The following TMEM131L variants were observed in gnomAD, a reference collection of about 807,000 sequenced individuals.
TMEM131L encodes the protein transmembrane 131 like.
TMEM131L carries 54 observed loss-of-function variants against 192.2 expected under a neutral mutation model. That is an observed-to-expected ratio of 0.28 (90% CI 0.23 to 0.35). The LOEUF (loss-of-function observed/expected upper bound fraction) is 0.35, where lower values mean the gene tolerates loss of function less well. Among genes scored for constraint, TMEM131L ranks in the 10% least tolerant of loss-of-function variants. The probability of loss-of-function intolerance (pLI) is 1.00; values close to 1 mark genes in which losing one functional copy is unlikely to be tolerated. For missense variants in TMEM131L, 1,888 were observed against 1,972.9 expected (o/e 0.96, Z 0.82); for synonymous variants, 701 against 704.9 (o/e 0.99, Z 0.09).
At chr4:153,516,785 G>A (rs1210484790) in intron 3 of TMEM131L, among the ~76,000 whole-genome samples, 1 of 151,898 alleles carries the variant, frequency 6.6e-6, no homozygotes, top group African/African-American at 2.4e-5. Flanking sequence ...CCCAGCACTA[G>A]GTACCAGTAC....
At chr4:153,495,020 A>T (rs963117515) in intron 3 of TMEM131L, among the ~76,000 whole-genome samples, 3 of 152,156 alleles carry the variant, frequency 2.0e-5, no homozygotes, top group Non-Finnish European at 4.4e-5. Flanking sequence ...ACCAAATTAG[A>T]AAGTTGGTTT....
intron 2 of TMEM131L, among the ~76,000 whole-genome samples, chr4:153,470,589 A>G (rs1731081891): frequency 6.6e-6 from 1 of 152,348 alleles, no homozygotes; most frequent in East Asian, 1.9e-4. Flanking sequence ...CTCTGACTGT[A>G]CTTGAACACA....
At chr4:153,514,986 T>C (rs753004458) in intron 3 of TMEM131L, among the ~76,000 whole-genome samples, 1 of 151,696 alleles carries the variant, frequency 6.6e-6, no homozygotes, top group East Asian at 1.9e-4. Flanking sequence ...TTATTTTGTA[T>C]TTTTAGTAGA....
At chr4:153,548,589 C>A (rs1035971112) in intron 3 of TMEM131L, among the ~76,000 whole-genome samples, 1 of 152,188 alleles carries the variant, frequency 6.6e-6, no homozygotes, top group African/African-American at 2.4e-5. Flanking sequence ...AGGCGTGAGC[C>A]ACTGCGTCCG....
At position 153,545,290 on chromosome 4, in the gene TMEM131L, C is replaced by CTTTTTTTTTTTTTTTTTTTTTTTTT. The variant is rs59852943; in HGVS notation, c.240-4768_240-4767insTTTTTTTTTTTTTTTTTTTTTTTTT. ...CTCTTGTATCAGCCACTTTTTCAAA[C>CTTTTTTTTTTTTTTTTTTTTTTTTT]TTTTTTTTTTTTTTTGAGATGGAGT... On this transcript the variant is annotated intron_variant, in intron 3 of 34. Coordinates refer to ENST00000409959, the MANE Select transcript of TMEM131L (RefSeq NM_001131007.2). Among the ~76,000 whole-genome samples the CTTTTTTTTTTTTTTTTTTTTTTTTT allele has an allele frequency of 2.0e-4, 27 of 132,300 alleles. 1 individual carries two copies. Among genetic ancestry groups the CTTTTTTTTTTTTTTTTTTTTTTTTT allele is most frequent in the East Asian group, 1.0e-3 (4 of 3,948 alleles). The allele number at this position is 132,300 out of a possible 152,430, so 86.8% of individuals were successfully genotyped here. A position where few individuals can be genotyped will look rare whatever the true frequency, so the allele number is the denominator to read the frequency against.
chr4:153,473,689 G>A (rs958923664), intron 2 of TMEM131L, among the ~76,000 whole-genome samples, 156 bp from the exon 3 acceptor site: 6 of 152,340 alleles, frequency 3.9e-5, no homozygotes, highest in Middle Eastern at 3.4e-3. Context: ...CTACTTGGGA[G>A]GCTGAGGCAG....
intron 31 of TMEM131L, among the ~76,000 whole-genome samples, chr4:153,628,841 G>A (rs983133707): frequency 6.6e-6 from 1 of 152,112 alleles, no homozygotes; most frequent in Non-Finnish European, 1.5e-5. Flanking sequence ...CGTGCGGTTT[G>A]GTGTTCTAAC....
At position 153,588,917 on chromosome 4, in the gene TMEM131L, C is replaced by T. The variant is rs765349658; in HGVS notation, c.1580C>T (p.Ser527Phe). 2 of 1,597,142 alleles carry T rather than the reference C, an allele frequency of 1.3e-6. No individual in the cohort carries two copies. Among genetic ancestry groups the T allele is most frequent in the Non-Finnish European group, 8.6e-7 (1 of 1,164,562 alleles). ...AATCCTAATTGGAATGGGAGCCTTT[C>T]TCTGGATCAATCTACCTGGAATGTG... ...AGNPNWNGSL[S>F]LDQSTWNVDS... Residue 527 changes from serine (S) to phenylalanine (F), a missense_variant, in exon 16 of 35, where the codon TCT (serine) becomes TTT (phenylalanine). Transcript: ENST00000409959.
intron 17 of TMEM131L, 152 bp downstream of exon 17, chr4:153,591,346 G>A (rs1731054771): frequency 1.7e-6 from 1 of 601,800 alleles, no homozygotes; most frequent in Non-Finnish European, 2.7e-6. Context: ...ACTCTAAACA[G>A]ACTGAAAATG....
chr4:153,477,553 A>G (rs1731632400), intron 3 of TMEM131L, among the ~76,000 whole-genome samples: 1 of 152,172 alleles, frequency 6.6e-6, no homozygotes, highest in African/African-American at 2.4e-5. Context: ...AGAATGAAAG[A>G]TGTGGGAATG....
intron 32 of TMEM131L, 114 bp downstream of exon 32, chr4:153,632,952 G>T: frequency 7.9e-7 from 1 of 1,268,552 alleles, no homozygotes; most frequent in Non-Finnish European, 1.1e-6. Context: ...CTTCTTCCTT[G>T]GTGTACTTTA....
chr4:153,532,643 C>T lies in TMEM131L; in HGVS notation c.240-17430C>T, dbSNP rs75059281. 5.7e-4 allele frequency among the ~76,000 whole-genome samples: 86 copies of T among 152,008 alleles called. 2 individuals carry two copies. In the East Asian group the frequency reaches 0.014, roughly 25 times the overall value. The stretch of plus-strand genomic sequence containing the variant: ...AGAAAATGTAGTTTGTACTTTTCGA[C>T]GGACACTTTTTCTTTTTTTTTTAAG... On this transcript the variant is annotated intron_variant, in intron 3 of 34. Coordinates refer to ENST00000409959, the MANE Select transcript of TMEM131L (RefSeq NM_001131007.2).
Position 153,627,679 on chromosome 4 carries a change from A to G in TMEM131L, c.4199A>G (p.Glu1400Gly), listed in dbSNP as rs1733945342. 1 of 1,613,038 alleles carries G rather than the reference A, an allele frequency of 6.2e-7. No individual in the cohort carries two copies. The highest frequency in any genetic ancestry group is 1.1e-5 in the South Asian group (1 of 91,048). Residue 1400 changes from glutamate (E) to glycine (G), a missense_variant, in exon 31 of 35, where the codon GAA becomes GGA. Glu to Gly is a moderately conservative substitution (Grantham distance 98). Transcript: ENST00000409959. ...SLPAGPTGVE[E>G]DKGLYSPGDL... ...CCTGCCGGGCCCACAGGTGTTGAAGAAGATAAAGGTGAGATGCATTCGTCT... is the reference window on the plus strand; with the variant it reads ...CCTGCCGGGCCCACAGGTGTTGAAGGAGATAAAGGTGAGATGCATTCGTCT...
At chr4:153,519,066 A>C (rs949317290) in intron 3 of TMEM131L, among the ~76,000 whole-genome samples, 1 of 152,042 alleles carries the variant, frequency 6.6e-6, no homozygotes, top group African/African-American at 2.4e-5. Context: ...TCCTGGGGGG[A>C]AAATTCCACA....
chr4:153,486,487 C>T (rs1352544909), intron 3 of TMEM131L, among the ~76,000 whole-genome samples: 1 of 152,170 alleles, frequency 6.6e-6, no homozygotes. Context: ...TGTCACTTAA[C>T]AAGAAGCCTG....
intron 3 of TMEM131L, among the ~76,000 whole-genome samples, chr4:153,483,160 C>G (rs1051964695): frequency 6.6e-6 from 1 of 152,150 alleles, no homozygotes; most frequent in South Asian, 2.1e-4. Context: ...GGATATTATA[C>G]GTAAATGTAG....
chr4:153,518,400 T>A (rs76639981), intron 3 of TMEM131L, among the ~76,000 whole-genome samples: 1 of 152,068 alleles, frequency 6.6e-6, no homozygotes, highest in Non-Finnish European at 1.5e-5. Context: ...GAAAAAAGAA[T>A]CAGAAGAGGC....
chr4:153,525,644 T>C (rs1735416581), intron 3 of TMEM131L, among the ~76,000 whole-genome samples: 1 of 151,690 alleles, frequency 6.6e-6, no homozygotes, highest in African/African-American at 2.4e-5. Flanking sequence ...CCAGCCCTTT[T>C]TCTTTCAGTT....
At chr4:153,620,480 C>T (rs1355745553) in intron 26 of TMEM131L, among the ~76,000 whole-genome samples, 1 of 152,210 alleles carries the variant, frequency 6.6e-6, no homozygotes, top group African/African-American at 2.4e-5. Flanking sequence ...GCAAAGTTAA[C>T]AGCAAGCTGG....
Sources: gnomAD v4.1 joint callset for allele counts (sites outside exome capture counted in the v4.1 genomes callset) on GRCh38, gnomAD v4.1.1 for gene constraint, MANE v1.5 for transcripts, NCBI Gene and HGNC (gene_info 2026-07-23, HGNC 2026-07-21) for gene names.